FBXL13: variants seen among roughly 807,000 people sequenced by gnomAD.
FBXL13 encodes F-box and leucine rich repeat protein 13.
FBXL13 carries 67 observed loss-of-function variants against 83.6 expected under a neutral mutation model. The ratio of observed to expected loss-of-function variants is 0.80; its 90% CI spans 0.66 to 0.98. The LOEUF (loss-of-function observed/expected upper bound fraction) is 0.98. Ranked by LOEUF, FBXL13 falls within the 50% of genes least tolerant of loss-of-function variation. FBXL13 has a pLI of 0.00. For missense variants in FBXL13, 822 were observed against 866.5 expected (o/e 0.95, Z 0.64); for synonymous variants, 272 against 299.5 (o/e 0.91, Z 0.95).
intron 11 of FBXL13, among the ~76,000 whole-genome samples, chr7:102,909,605 T>C (rs1814321845): frequency 6.6e-6 from 1 of 152,196 alleles, no homozygotes; most frequent in African/African-American, 2.4e-5. Flanking sequence ...TAACAGGTGA[T>C]GAATGTTGCC....
chr7:102,896,245 A>G (rs1390869550), intron 11 of FBXL13, among the ~76,000 whole-genome samples: 1 of 152,232 alleles, frequency 6.6e-6, no homozygotes, highest in South Asian at 2.1e-4. Flanking sequence ...GAGGAAGGAC[A>G]TTGACTTGGG....
chr7:102,916,797 G>T (rs1371901065), intron 10 of FBXL13, among the ~76,000 whole-genome samples: 1 of 150,820 alleles, frequency 6.6e-6, no homozygotes, highest in East Asian at 2.0e-4. Context: ...CTTATGGGGG[G>T]GGGTGTGAGT....
chr7:102,973,460 T>C, intron 6 of FBXL13: 1 of 750,730 alleles, frequency 1.3e-6, no homozygotes, highest in Non-Finnish European at 2.4e-6. Context: ...TACGGAAGAC[T>C]ATAAAACCCT....
At chr7:102,980,794 A>T (rs1269791459) in intron 6 of FBXL13, among the ~76,000 whole-genome samples, 1 of 152,100 alleles carries the variant, frequency 6.6e-6, no homozygotes, top group African/African-American at 2.4e-5. Context: ...AAAAGAGCTA[A>T]AACCATAAAC....
At chr7:102,902,312 C>T (rs1468914563) in intron 11 of FBXL13, among the ~76,000 whole-genome samples, 1 of 152,058 alleles carries the variant, frequency 6.6e-6, no homozygotes, top group Non-Finnish European at 1.5e-5. Context: ...TGTTTGAGCT[C>T]CTTATATATT....
At chr7:102,874,224 G>A in intron 16 of FBXL13, 6 of 374,306 alleles carry the variant, frequency 1.6e-5, no homozygotes, top group Non-Finnish European at 2.2e-5. Context: ...TACGTCTGTA[G>A]TCAAATTTGC....
intron 19 of FBXL13, among the ~76,000 whole-genome samples, chr7:102,820,672 G>T (rs748466397): frequency 6.6e-6 from 1 of 152,128 alleles, no homozygotes; most frequent in Non-Finnish European, 1.5e-5. Flanking sequence ...GAAATTTATT[G>T]CTCATAGTTA....
chr7:102,901,094 C>G (rs574806271), intron 11 of FBXL13, among the ~76,000 whole-genome samples: 4 of 152,168 alleles, frequency 2.6e-5, no homozygotes, highest in Non-Finnish European at 4.4e-5. Flanking sequence ...GGGAGGGAGG[C>G]TGACTTAGCT....
intron 16 of FBXL13, among the ~76,000 whole-genome samples, chr7:102,855,215 G>A (rs1805856988): frequency 6.6e-6 from 1 of 152,052 alleles, no homozygotes; most frequent in Non-Finnish European, 1.5e-5. Context: ...TACTTCATGT[G>A]GATAAAGAAC....
chr7:102,976,339 C>T (rs888338519), intron 6 of FBXL13: 4 of 615,356 alleles, frequency 6.5e-6, no homozygotes, highest in South Asian at 1.9e-5. Flanking sequence ...AATTGATGAA[C>T]AAGCCTCCAA....
intron 2 of FBXL13, among the ~76,000 whole-genome samples, chr7:103,048,943 C>T (rs1796546311): frequency 6.6e-6 from 1 of 152,196 alleles, no homozygotes; most frequent in South Asian, 2.1e-4. Flanking sequence ...CCTAGTTTTT[C>T]AGTAGTCTCA....
chr7:102,870,925 TTTTC>T (rs1026091771), intron 16 of FBXL13, among the ~76,000 whole-genome samples: 1 of 151,920 alleles, frequency 6.6e-6, no homozygotes, highest in African/African-American at 2.4e-5. Context: ...CTAAAAAAAT[TTTTC>T]TTTCTTTAAT....
intron 16 of FBXL13, among the ~76,000 whole-genome samples, chr7:102,873,115 T>G (rs1237074390): frequency 6.6e-6 from 1 of 152,230 alleles, no homozygotes; most frequent in East Asian, 1.9e-4. Context: ...GCTGATCAAC[T>G]TCTTCATGAG....
At chr7:102,882,119 A>T (rs185646452) in intron 14 of FBXL13, among the ~76,000 whole-genome samples, 104 of 152,188 alleles carry the variant, frequency 6.8e-4, no homozygotes, top group African/African-American at 2.4e-3. Flanking sequence ...AACTAGCTGG[A>T]TATGATGGAG....
intron 11 of FBXL13, among the ~76,000 whole-genome samples, chr7:102,886,564 T>C (rs1166134682): frequency 6.6e-6 from 1 of 152,252 alleles, no homozygotes; most frequent in African/African-American, 2.4e-5. Context: ...TACATCACCA[T>C]GTAATTATCA....
chr7:103,065,835 C>T (rs1181072990), intron 1 of FBXL13, among the ~76,000 whole-genome samples: 1 of 152,252 alleles, frequency 6.6e-6, no homozygotes, highest in Non-Finnish European at 1.5e-5. Context: ...AGGACCCCAC[C>T]AGCTCACACT....
At position 102,813,267 on chromosome 7, in the gene FBXL13, G is replaced by A. The variant is rs990582195; in HGVS notation, c.*75C>T. On this transcript the variant is annotated 3_prime_UTR_variant, in exon 20 of 20. Coordinates refer to ENST00000313221, the Ensembl canonical transcript of FBXL13. Reference sequence around the variant, plus strand: ...TTACATTGTTATTGAGATTCAGCTAGTAAACATACTTGCAACAAATGGAGA... The same window carrying A: ...TTACATTGTTATTGAGATTCAGCTAATAAACATACTTGCAACAAATGGAGA... 8.1e-6 allele frequency: 11 copies of A among 1,353,812 alleles called. No homozygotes were observed. In the East Asian group the frequency reaches 1.9e-4, roughly 23 times the overall value. 83.9% of individuals were successfully genotyped at this position (1,353,812 alleles called of 1,614,324 possible). A position where few individuals can be genotyped will look rare whatever the true frequency, so the allele number is the denominator to read the frequency against.
chr7:102,883,475 TA>T lies in FBXL13; in HGVS notation c.1226-9del, dbSNP rs1016917334. 1 of 1,603,524 alleles carries T rather than the reference TA, an allele frequency of 6.2e-7. No individual in the cohort carries two copies. Among genetic ancestry groups the T allele is most frequent in the Non-Finnish European group, 8.5e-7 (1 of 1,175,138 alleles). ...CAGTAACCCTTTTATTTCCTGTTTT[TA>T]AAAAACAGAAGAAAAGACAAGTATT... On this transcript the variant is annotated splice_polypyrimidine_tract_variant and intron_variant, in intron 13 of 19. Coordinates refer to ENST00000313221, the Ensembl canonical transcript of FBXL13.
chr7:103,025,652 C>T (rs559154253), intron 5 of FBXL13, among the ~76,000 whole-genome samples: 3 of 152,110 alleles, frequency 2.0e-5, no homozygotes, highest in Middle Eastern at 3.4e-3. Context: ...CAGGAAGTCC[C>T]CATTTTAACT....
Sources: gnomAD v4.1 joint callset for allele counts (sites outside exome capture counted in the v4.1 genomes callset) on GRCh38, gnomAD v4.1.1 for gene constraint, MANE v1.5 for transcripts, NCBI Gene and HGNC (gene_info 2026-07-23, HGNC 2026-07-21) for gene names.